ZNF236: variants seen among roughly 807,000 people sequenced by gnomAD.
ZNF236 encodes regulated by glucose.
In ZNF236, 50 loss-of-function variants were observed where a neutral mutation model predicts 191.2. The observed-to-expected ratio is 0.26, with a 90% CI of 0.21 to 0.33. The LOEUF (loss-of-function observed/expected upper bound fraction) is 0.33. Ranked by LOEUF, ZNF236 falls within the 10% of genes least tolerant of loss-of-function variation. The probability of loss-of-function intolerance (pLI) is 1.00; values close to 1 mark genes in which losing one functional copy is unlikely to be tolerated. For missense variants in ZNF236, 1,754 were observed against 2,374.5 expected, an observed-to-expected ratio of 0.74 and a Z score of 5.43; for synonymous variants, 907 against 928.8, an observed-to-expected ratio of 0.98 and a Z score of 0.43.
chr18:76,884,400 CAAAA>C (rs58881647), intron 9 of ZNF236, among the ~76,000 whole-genome samples: 1 of 93,034 alleles, frequency 1.1e-5, no homozygotes, highest in East Asian at 3.3e-4. Context: ...GACTCCATCT[CAAAA>C]AAAAAAAAAA....
intron 27 of ZNF236, among the ~76,000 whole-genome samples, chr18:76,952,263 C>A (rs151055897): frequency 3.7e-4 from 56 of 152,272 alleles, no homozygotes; most frequent in Middle Eastern, 3.4e-3. Context: ...CAAGGTATGC[C>A]TATAATTAGT....
intron 22 of ZNF236, among the ~76,000 whole-genome samples, chr18:76,926,760 C>CTGTGTGT (rs1175687555): frequency 6.6e-6 from 1 of 150,762 alleles, no homozygotes; most frequent in Non-Finnish European, 1.5e-5. Flanking sequence ...GGTGATTAGA[C>CTGTGTGT]AGTGTGTGTG....
Position 76,868,785 on chromosome 18 carries a change from A to G in ZNF236, c.464A>G (p.His155Arg). The G allele has an allele frequency of 6.2e-7, 1 of 1,613,972 alleles. No homozygotes were observed. Among genetic ancestry groups the G allele is most frequent in the South Asian group, 1.1e-5 (1 of 91,066 alleles). Residue 155 changes from histidine to arginine, a missense_variant, in exon 4 of 31, where the codon CAT (histidine) becomes CGT (arginine). This residue lies in a region of ZNF236 where 336 missense variants were observed against 495.1 expected (regional missense o/e 0.68). Coordinates refer to ENST00000320610, the MANE Select transcript of ZNF236 (RefSeq NM_001306089.2). Reference sequence around the variant, plus strand: ...CAGGAGCTGGCTGGAACCCGGCAGCATGCCTGCAAGGCCTGCAAGAAAGAG... The same window carrying G: ...CAGGAGCTGGCTGGAACCCGGCAGCGTGCCTGCAAGGCCTGCAAGAAAGAG... ...HRQELAGTRQ[H>R]ACKACKKEFE... is the part of the protein sequence containing the mutation.
intron 9 of ZNF236, among the ~76,000 whole-genome samples, chr18:76,890,623 T>A (rs9956922): frequency 6.8e-4 from 104 of 152,350 alleles, no homozygotes; most frequent in African/African-American, 2.4e-3. Flanking sequence ...TTTTTACTCA[T>A]CCAATGGGTT....
At chr18:76,827,922 G>A (rs1975061929) in intron 1 of ZNF236, among the ~76,000 whole-genome samples, 1 of 152,152 alleles carries the variant, frequency 6.6e-6, no homozygotes, top group South Asian at 2.1e-4. Flanking sequence ...CAATGGAATA[G>A]TGCAAAATTT....
chr18:76,824,207 G>T, intron 1 of ZNF236: 1 of 694,512 alleles, frequency 1.4e-6, no homozygotes, highest in Admixed American at 2.1e-5. Flanking sequence ...TAGGAAGAAA[G>T]AGGTAATGGG....
intron 26 of ZNF236, among the ~76,000 whole-genome samples, chr18:76,945,642 C>T (rs1968241180): frequency 1.3e-5 from 2 of 152,164 alleles, no homozygotes; most frequent in Non-Finnish European, 2.9e-5. Context: ...CAAAAATTAG[C>T]CACACGTGGC....
intron 17 of ZNF236, among the ~76,000 whole-genome samples, chr18:76,913,064 G>A (rs936219267): frequency 3.3e-5 from 5 of 152,242 alleles, no homozygotes; most frequent in Non-Finnish European, 2.9e-5. Flanking sequence ...CTTGACTTAG[G>A]TTATAGTGTA....
chr18:76,938,978 C>T lies in ZNF236; in HGVS notation c.4782+1635C>T, dbSNP rs140664447. ...TGCCCTTACGCACCATCAACTCCTG[C>T]TTGTCACATAATTAACCTTCTAAAT... is the stretch of plus-strand genomic sequence containing the variant. On this transcript the variant is annotated intron_variant, in intron 26 of 30. Transcript: ENST00000320610. 6.1e-4 allele frequency among the ~76,000 whole-genome samples: 93 copies of T among 152,294 alleles called. 3 individuals are homozygous for T. In the South Asian group the frequency reaches 8.7e-3, roughly 14 times the overall value.
At chr18:76,853,903 C>G (rs147734259) in intron 3 of ZNF236, among the ~76,000 whole-genome samples, 6 of 151,502 alleles carry the variant, frequency 4.0e-5, no homozygotes, top group African/African-American at 1.5e-4. Flanking sequence ...CCAGCTACTC[C>G]GGAGGCTAAG....
In ZNF236 at chr18:76,862,719, C is replaced by T. The variant is rs532219589; in HGVS notation, c.364-5966C>T. Among the ~76,000 whole-genome samples the T allele has an allele frequency of 8.5e-5, 13 of 152,316 alleles. No homozygotes were observed. The South Asian group carries it at 2.1e-3, about 24-fold the overall frequency. ...TCTGCACTGTGCTTTCCTCCCACTG[C>T]GGTCAGTGGGGCTCTGCGAAATGGG... On this transcript the variant is annotated intron_variant, in intron 3 of 30. Transcript: ENST00000320610.
rs201915455 is a variant in ZNF236 at position 76,880,529 on chromosome 18, AT to A, written c.1188+214del. Among the ~76,000 whole-genome samples the A allele has an allele frequency of 5.8e-3, 880 of 152,282 alleles. 2 individuals carry two copies. Among genetic ancestry groups the A allele is most frequent in the Middle Eastern group, 0.01 (3 of 294 alleles). The stretch of plus-strand genomic sequence containing the variant: ...TATTCATCTATACATTAAAAAAAAA[AT>A]CACAAACTTTTATTTTTTTTCCATA... On this transcript the variant is annotated intron_variant, in intron 8 of 30. Coordinates refer to ENST00000320610, the MANE Select transcript of ZNF236 (RefSeq NM_001306089.2). This position sits in a 1 kb window ranked among gnomAD's most constrained non-coding sequence, Gnocchi z 5.0.
chr18:76,901,142 A>G (rs1004997159), intron 11 of ZNF236, among the ~76,000 whole-genome samples: 1 of 152,216 alleles, frequency 6.6e-6, no homozygotes, highest in African/African-American at 2.4e-5. Flanking sequence ...ATTAATACAT[A>G]TAATGGAATT....
At chr18:76,917,673 C>T (rs571054494) in intron 19 of ZNF236, among the ~76,000 whole-genome samples, 6 of 152,130 alleles carry the variant, frequency 3.9e-5, no homozygotes, top group South Asian at 2.1e-4. Flanking sequence ...GTCTGTCTGT[C>T]GTGCTTAATT....
chr18:76,923,859 A>G (rs1209421995), intron 21 of ZNF236, among the ~76,000 whole-genome samples: 1 of 152,220 alleles, frequency 6.6e-6, no homozygotes. Context: ...ACATTTAAAT[A>G]GCTTGGAAAA....
chr18:76,937,110 C>T (rs1968021049), intron 25 of ZNF236, 46 bp from the exon 26 acceptor site: 2 of 1,579,762 alleles, frequency 1.3e-6, no homozygotes, highest in South Asian at 1.1e-5. Flanking sequence ...TACACCTGGA[C>T]TTGTCTGGCC....
intron 1 of ZNF236, among the ~76,000 whole-genome samples, chr18:76,834,175 T>C (rs936939536): frequency 6.6e-6 from 1 of 152,184 alleles, no homozygotes; most frequent in African/African-American, 2.4e-5. Context: ...CTGCAGGCTC[T>C]GTAGTAATGG....
At chr18:76,874,163 G>C (rs1430054932) in intron 5 of ZNF236, among the ~76,000 whole-genome samples, 2 of 152,342 alleles carry the variant, frequency 1.3e-5, no homozygotes, top group Non-Finnish European at 2.9e-5. Flanking sequence ...TGTGCCTCCT[G>C]ACTGTCTGTC....
At position 76,868,801 on chromosome 18, in the gene ZNF236, C is replaced by T. The variant is rs1976499198; in HGVS notation, c.480C>T (p.Cys160=). ...CCCGGCAGCATGCCTGCAAGGCCTG[C>T]AAGAAAGAGTTCGAGACCTCCTCGG... is the stretch of plus-strand genomic sequence containing the variant. ...AGTRQHACKA[C]KKEFETSSEL... Residue 160 remains cysteine, a synonymous_variant, in exon 4 of 31, where the codon TGC becomes TGT. Coordinates refer to ENST00000320610, the MANE Select transcript of ZNF236 (RefSeq NM_001306089.2). The T allele has an allele frequency of 6.2e-7, 1 of 1,613,650 alleles. No homozygotes were observed. The highest frequency in any genetic ancestry group is 1.7e-5 in the Admixed American group (1 of 59,992).
Sources: gnomAD v4.1 joint callset for allele counts (sites outside exome capture counted in the v4.1 genomes callset) on GRCh38, gnomAD v4.1.1 for gene constraint, gnomAD v4.1.1 regional missense constraint, Gnocchi (gnomAD v3.1) non-coding constraint, MANE v1.5 for transcripts, NCBI Gene and HGNC (gene_info 2026-07-23, HGNC 2026-07-21) for gene names.